Variants in UNC13C observed in about 807,000 individuals in gnomAD.
The protein encoded by UNC13C is protein unc-13 homolog C.
Under a neutral mutation model 245.4 loss-of-function variants are expected in UNC13C, and 174 were observed. The observed-to-expected ratio is 0.71, with a 90% CI of 0.63 to 0.80. The LOEUF is 0.80. Among genes scored for constraint, UNC13C ranks in the 30% least tolerant of loss-of-function variants. The pLI is 0.00. For missense variants in UNC13C, 2,829 were observed against 2,602.9 expected, an observed-to-expected ratio of 1.09 and a Z score of -1.89; for synonymous variants, 992 against 895.1, an observed-to-expected ratio of 1.11 and a Z score of -1.93.
At chr15:54,597,949 C>T (rs1899190405) in intron 30 of UNC13C, among the ~76,000 whole-genome samples, 1 of 152,048 alleles carries the variant, frequency 6.6e-6, no homozygotes, top group African/African-American at 2.4e-5. Context: ...ATTTTATGAG[C>T]AAAATAATTA....
chr15:54,134,251 C>T (rs1897072), intron 2 of UNC13C, among the ~76,000 whole-genome samples: 141,613 of 150,992 alleles, frequency 0.94, 67,082 homozygotes, highest in East Asian at 1. Context: ...TACTGTTCTA[C>T]TCTCCACTTT....
chr15:53,971,744 T>G, the UNC13C span, among the ~76,000 whole-genome samples: 1 of 152,132 alleles, frequency 6.6e-6, no homozygotes, highest in African/African-American at 2.4e-5. Flanking sequence ...CCCTTTTAAT[T>G]CTTACTATGA....
At chr15:54,081,513 T>G (rs1898937231) in intron 2 of UNC13C, among the ~76,000 whole-genome samples, 1 of 152,136 alleles carries the variant, frequency 6.6e-6, no homozygotes, top group Admixed American at 6.5e-5. Context: ...ATTTTCTTGT[T>G]GAATTGAATC....
chr15:54,086,476 T>A (rs1459106835), intron 2 of UNC13C, among the ~76,000 whole-genome samples: 2 of 152,152 alleles, frequency 1.3e-5, no homozygotes, highest in African/African-American at 4.8e-5. Flanking sequence ...CTGCTCAGTC[T>A]CTCAAAATAA....
At chr15:53,975,128 A>G (rs1314586151), upstream of UNC13C, among the ~76,000 whole-genome samples, 3 of 152,218 alleles carry the variant, frequency 2.0e-5, no homozygotes, top group Admixed American at 6.5e-5. Flanking sequence ...CTAAAGTTAC[A>G]TACTGTCAAT....
chr15:53,912,212 G>A, the UNC13C span: 1 of 152,188 alleles, frequency 6.6e-6, no homozygotes, highest in Non-Finnish European at 1.5e-5. Context: ...CCCAAGGAGG[G>A]GCAAGACAAT....
the UNC13C span, among the ~76,000 whole-genome samples, chr15:53,881,341 G>A: frequency 0.018 from 2,799 of 152,234 alleles, 66 homozygotes; most frequent in East Asian, 0.12. Context: ...AATGCTTCCC[G>A]TATTGTCAAA....
chr15:53,901,646 A>G, the UNC13C span, among the ~76,000 whole-genome samples: 1 of 152,184 alleles, frequency 6.6e-6, no homozygotes, highest in South Asian at 2.1e-4. Flanking sequence ...ACATTTTTGT[A>G]TATAAACTCT....
rs1434256920 is a variant in UNC13C at position 54,060,240 on chromosome 15, G to C, written c.2983+44354G>C. On this transcript the variant is annotated intron_variant, in intron 2 of 32. Transcript: ENST00000260323. ...TCACCTGATAGAGGGCTAATATCCA[G>C]AATCTACAATGAACTCAAACAAATT... Among the ~76,000 whole-genome samples, 3 of 152,052 alleles carry C rather than the reference G, an allele frequency of 2.0e-5. 1 individual carries two copies. Among genetic ancestry groups the C allele is most frequent in the African/African-American group, 4.8e-5 (2 of 41,382 alleles).
the UNC13C span, among the ~76,000 whole-genome samples, chr15:53,967,359 G>A: frequency 0.01 from 1,557 of 149,648 alleles, 34 homozygotes; most frequent in African/African-American, 0.037. Flanking sequence ...GTTTTTTTTC[G>A]AATCGTCATG....
intron 2 of UNC13C, among the ~76,000 whole-genome samples, chr15:54,057,238 T>C (rs563885244): frequency 6.6e-6 from 1 of 151,492 alleles, no homozygotes; most frequent in Admixed American, 6.6e-5. Flanking sequence ...GAGACACACA[T>C]AGGCTCAAAA....
intron 17 of UNC13C, among the ~76,000 whole-genome samples, chr15:54,386,957 G>A (rs541883400): frequency 6.6e-6 from 1 of 152,312 alleles, no homozygotes; most frequent in South Asian, 2.1e-4. Flanking sequence ...TAAATGTAGA[G>A]TAGAATAATT....
At chr15:53,957,296 T>C in the UNC13C span, among the ~76,000 whole-genome samples, 1 of 152,092 alleles carries the variant, frequency 6.6e-6, no homozygotes, top group Non-Finnish European at 1.5e-5. Flanking sequence ...TGTGCACCAC[T>C]ACGCCTGGCT....
intron 24 of UNC13C, chr15:54,512,523 T>A (rs1385419552): frequency 5.5e-6 from 2 of 360,424 alleles, no homozygotes; most frequent in East Asian, 1.6e-4. Context: ...CACCTGCATC[T>A]TCCTGCCTGC....
intron 2 of UNC13C, among the ~76,000 whole-genome samples, chr15:54,100,509 C>T (rs904630320): frequency 3.3e-5 from 5 of 152,142 alleles, no homozygotes; most frequent in East Asian, 1.9e-4. Flanking sequence ...GGGCCCCTTT[C>T]TCTTCTCCAT....
chr15:54,464,725 T>C (rs918164669), intron 19 of UNC13C, among the ~76,000 whole-genome samples: 2 of 152,084 alleles, frequency 1.3e-5, no homozygotes, highest in Non-Finnish European at 2.9e-5. Flanking sequence ...TCCAGATAAA[T>C]TCAGATTATC....
At chr15:54,138,730 A>G (rs1413272906) in intron 2 of UNC13C, among the ~76,000 whole-genome samples, 4 of 151,828 alleles carry the variant, frequency 2.6e-5, no homozygotes, top group Non-Finnish European at 4.4e-5. Flanking sequence ...CCATAACATA[A>G]TATCGAAAAT....
chr15:53,956,412 C>T, the UNC13C span, among the ~76,000 whole-genome samples: 8 of 151,686 alleles, frequency 5.3e-5, no homozygotes, highest in Non-Finnish European at 1.0e-4. Context: ...ATGCCTCCAC[C>T]GGTGCCAGCT....
In UNC13C at chr15:54,015,104, G is replaced by T; in HGVS notation, c.2201G>T (p.Trp734Leu). ...PGLDNEPQGQ[W>L]VGQYDSYQGA... ...TTGGATAATGAACCACAAGGCCAGT[G>T]GGTTGGCCAATATGATTCTTATCAG... The change falls in exon 2 of 33, where the codon TGG (tryptophan) becomes TTG (leucine). Residue 734 changes from tryptophan to leucine, a missense_variant. Physicochemically the swap from Trp to Leu is moderately conservative, Grantham distance 61. Transcript: ENST00000260323. 6.2e-7 allele frequency: 1 copy of T among 1,612,678 alleles called. No individual in the cohort carries two copies. Among genetic ancestry groups the T allele is most frequent in the Non-Finnish European group, 8.5e-7 (1 of 1,179,364 alleles).
Sources: gnomAD v4.1 joint callset for allele counts (sites outside exome capture counted in the v4.1 genomes callset) on GRCh38, gnomAD v4.1.1 for gene constraint, MANE v1.5 for transcripts, NCBI Gene and HGNC (gene_info 2026-07-23, HGNC 2026-07-21) for gene names.